Variants in ZDHHC14 observed in about 807,000 individuals in gnomAD.
The protein encoded by ZDHHC14 is zDHHC palmitoyltransferase 14, also known as palmitoyltransferase ZDHHC14.
A neutral mutation model predicts 47.7 loss-of-function variants in ZDHHC14; 16 were observed. The observed-to-expected ratio is 0.34, with a 90% CI of 0.23 to 0.51. ZDHHC14 has a LOEUF of 0.51. Among genes scored for constraint, ZDHHC14 ranks in the 20% least tolerant of loss-of-function variants. The pLI, the probability that ZDHHC14 is intolerant of heterozygous loss-of-function variation, is 0.97. For synonymous variants in ZDHHC14, 293 were observed against 278.9 expected, an observed-to-expected ratio of 1.05 and a Z score of -0.50; for missense variants, 515 against 662.5, an observed-to-expected ratio of 0.78 and a Z score of 2.44.
chr6:157,610,306 C>T (rs899445933), intron 3 of ZDHHC14, among the ~76,000 whole-genome samples: 1 of 152,164 alleles, frequency 6.6e-6, no homozygotes, highest in African/African-American at 2.4e-5. Context: ...GTGGCAGGTG[C>T]CTGTGGTCCC....
chr6:157,526,811 G>A (rs564956696), intron 1 of ZDHHC14, among the ~76,000 whole-genome samples: 2 of 152,310 alleles, frequency 1.3e-5, no homozygotes, highest in African/African-American at 4.8e-5. Context: ...AAGGCTGAAG[G>A]GCAGTGTGGA....
intron 1 of ZDHHC14, among the ~76,000 whole-genome samples, chr6:157,473,660 A>C (rs942569555): frequency 6.6e-6 from 1 of 152,190 alleles, no homozygotes; most frequent in Non-Finnish European, 1.5e-5. Flanking sequence ...AATGCTCCCA[A>C]ATCCAAAACA....
chr6:157,464,439 A>G (rs377076256), intron 1 of ZDHHC14, among the ~76,000 whole-genome samples: 8 of 152,212 alleles, frequency 5.3e-5, no homozygotes, highest in African/African-American at 9.6e-5. Flanking sequence ...ATTAAATTAG[A>G]TAATTCCTGA....
chr6:157,640,817 TA>T (rs1777213246), intron 5 of ZDHHC14, among the ~76,000 whole-genome samples: 1 of 152,190 alleles, frequency 6.6e-6, no homozygotes, highest in South Asian at 2.1e-4. Context: ...GTTCTCGTTG[TA>T]AAAAATCCCC....
intron 1 of ZDHHC14, among the ~76,000 whole-genome samples, chr6:157,457,105 T>G (rs1583662107): frequency 7.0e-6 from 1 of 143,694 alleles, no homozygotes; most frequent in Admixed American, 7.2e-5. Flanking sequence ...ACTCGGGAGG[T>G]GGAGATTGCA....
chr6:157,641,703 A>G (rs1340796759), intron 5 of ZDHHC14, among the ~76,000 whole-genome samples: 1 of 152,198 alleles, frequency 6.6e-6, no homozygotes, highest in Non-Finnish European at 1.5e-5. Flanking sequence ...CAATCTGTCA[A>G]TCTCATACTA....
intron 1 of ZDHHC14, among the ~76,000 whole-genome samples, chr6:157,491,353 G>A (rs1009394138): frequency 1.3e-5 from 2 of 152,118 alleles, no homozygotes; most frequent in African/African-American, 2.4e-5. Context: ...TTCTGTGTTC[G>A]TTTAGAGCCA....
chr6:157,519,298 T>TA (rs1188817048), intron 1 of ZDHHC14, among the ~76,000 whole-genome samples: 13 of 152,314 alleles, frequency 8.5e-5, no homozygotes, highest in Non-Finnish European at 1.6e-4. Context: ...TTTTTATTTT[T>TA]ATTTTTATTT....
chr6:157,574,414 C>T (rs1188948096), intron 2 of ZDHHC14, among the ~76,000 whole-genome samples: 1 of 152,144 alleles, frequency 6.6e-6, no homozygotes, highest in Non-Finnish European at 1.5e-5. Context: ...CAGAGTGAGA[C>T]TCCGTCTCAA....
At position 157,394,736 on chromosome 6, in the gene ZDHHC14, C is replaced by T. The variant is rs191890778; in HGVS notation, c.245+12470C>T. 1.9e-4 allele frequency among the ~76,000 whole-genome samples: 29 copies of T among 152,238 alleles called. No homozygotes were observed. In the East Asian group the frequency reaches 5.0e-3, roughly 26 times the overall value. On this transcript the variant is annotated intron_variant, in intron 1 of 8. Coordinates refer to ENST00000359775, the MANE Select transcript of ZDHHC14 (RefSeq NM_024630.3). ...GTGATGGCCAAAATAACATCATCGT[C>T]GTCTTAACCCACTATATCTTGGGGC...
Position 157,544,907 on chromosome 6 carries a change from G to A in ZDHHC14, c.406+2162G>A, listed in dbSNP as rs559054839. 5.3e-5 allele frequency among the ~76,000 whole-genome samples: 8 copies of A among 152,258 alleles called. No homozygotes were observed. The South Asian group carries it at 1.2e-3, about 24-fold the overall frequency. ...TCCACTCCTAGATATGTCCACACAA[G>A]GACTTGTATATGAATATTCATAGCT... is the stretch of plus-strand genomic sequence containing the variant. On this transcript the variant is annotated intron_variant, in intron 2 of 8. Coordinates refer to ENST00000359775, the MANE Select transcript of ZDHHC14 (RefSeq NM_024630.3).
At chr6:157,512,067 G>A (rs1583730098) in intron 1 of ZDHHC14, among the ~76,000 whole-genome samples, 1 of 152,148 alleles carries the variant, frequency 6.6e-6, no homozygotes, top group Non-Finnish European at 1.5e-5. Flanking sequence ...GGATAGTGAC[G>A]GCACTGTCAC....
intron 8 of ZDHHC14, among the ~76,000 whole-genome samples, chr6:157,661,007 C>G (rs1778321935): frequency 6.6e-6 from 1 of 152,108 alleles, no homozygotes; most frequent in Non-Finnish European, 1.5e-5. Context: ...AGGTTTCAGG[C>G]AAAGCTTCCT....
At chr6:157,402,982 G>A (rs1777675598) in intron 1 of ZDHHC14, among the ~76,000 whole-genome samples, 2 of 152,174 alleles carry the variant, frequency 1.3e-5, no homozygotes, top group South Asian at 2.1e-4. Flanking sequence ...TGATCCGCCC[G>A]CATCTGCCTC....
Position 157,427,262 on chromosome 6 carries a change from T to C in ZDHHC14, c.245+44996T>C, listed in dbSNP as rs1030848953. Among the ~76,000 whole-genome samples the C allele has an allele frequency of 1.3e-5, 2 of 151,870 alleles. No homozygotes were observed. The highest frequency in any genetic ancestry group is 4.8e-5 in the African/African-American group (2 of 41,304). On this transcript the variant is annotated intron_variant, in intron 1 of 8. Transcript: ENST00000359775. The surrounding 1 kb of genome is among the most constrained non-coding windows in gnomAD (Gnocchi z 4.4). The stretch of plus-strand genomic sequence containing the variant: ...TGGTTTATCTGTGTTCAGAAGCCAG[T>C]GTGATGGTTGATTTTAAACATAATA...
At chr6:157,515,451 CTTTTTCT>C (rs1339894966) in intron 1 of ZDHHC14, among the ~76,000 whole-genome samples, 1 of 142,256 alleles carries the variant, frequency 7.0e-6, no homozygotes, top group Non-Finnish European at 1.5e-5. Context: ...CTTTCTTTTT[CTTTTTCT>C]TTTTTTTTTT....
At chr6:157,439,822 T>A (rs997895008) in intron 1 of ZDHHC14, among the ~76,000 whole-genome samples, 2 of 152,210 alleles carry the variant, frequency 1.3e-5, no homozygotes, top group Non-Finnish European at 2.9e-5. Context: ...TGGAATACTA[T>A]GCTGCTGTAA....
chr6:157,405,454 G>A (rs562681805), intron 1 of ZDHHC14, among the ~76,000 whole-genome samples: 14 of 152,012 alleles, frequency 9.2e-5, no homozygotes, highest in Non-Finnish European at 1.9e-4. Context: ...GGATGGTCTC[G>A]ATCTCCTGAC....
chr6:157,478,783 AG>A (rs1236105713), intron 1 of ZDHHC14, among the ~76,000 whole-genome samples: 2 of 152,378 alleles, frequency 1.3e-5, no homozygotes, highest in East Asian at 3.9e-4. Context: ...GTAAATGTTC[AG>A]CCAGTGTCCA....
Sources: gnomAD v4.1 joint callset for allele counts (sites outside exome capture counted in the v4.1 genomes callset) on GRCh38, gnomAD v4.1.1 for gene constraint, Gnocchi (gnomAD v3.1) non-coding constraint, MANE v1.5 for transcripts, NCBI Gene and HGNC (gene_info 2026-07-23, HGNC 2026-07-21) for gene names.